The following MATN4 variants were observed in gnomAD, a reference collection of about 807,000 sequenced individuals.
MATN4 encodes the protein matrilin 4.
A neutral mutation model predicts 54.6 loss-of-function variants in MATN4; 40 were observed. The ratio of observed to expected loss-of-function variants is 0.73; its 90% CI spans 0.57 to 0.95. The LOEUF is 0.95. MATN4 is among the 40% of genes least tolerant of loss of function. The probability of loss-of-function intolerance (pLI) is 0.00; values close to 1 mark genes in which losing one functional copy is unlikely to be tolerated. For missense variants in MATN4, 810 were observed against 819.1 expected (o/e 0.99, Z 0.13); for synonymous variants, 351 against 345.3 (o/e 1.02, Z -0.18).
At position 45,304,679 on chromosome 20, in the gene MATN4, C is replaced by CA; in HGVS notation, c.191dup (p.Asn65GlufsTer103). On this transcript the variant is annotated frameshift_variant, in exon 3 of 10. Coordinates refer to ENST00000372756, the MANE Select transcript of MATN4 (RefSeq NM_001393530.1). LOFTEE classifies it high-confidence loss of function. ...CGCGCGTGGCGTTGGGACCCACGTT[C>CA]AGGCCTCGGAGGAGGCCCATGAGGA... 2 of 1,612,842 alleles carry CA rather than the reference C, an allele frequency of 1.2e-6. No homozygotes were observed. Among genetic ancestry groups the CA allele is most frequent in the Non-Finnish European group, 1.7e-6 (2 of 1,179,336 alleles).
intron 1 of MATN4, chr20:45,307,024 T>G: frequency 1.4e-6 from 1 of 732,230 alleles, no homozygotes; most frequent in Admixed American, 9.7e-5. Context: ...CTCCCCACTA[T>G]ACAAATAGGA....
At chr20:45,297,853 G>A in intron 8 of MATN4, 65 bp downstream of exon 8, 3 of 1,585,154 alleles carry the variant, frequency 1.9e-6, no homozygotes, top group South Asian at 2.2e-5. Flanking sequence ...GGAGTGAATA[G>A]GAAGGGGAGA....
At position 45,304,606 on chromosome 20, in the gene MATN4, G is replaced by A. The variant is rs2233092; in HGVS notation, c.265C>T (p.Arg89Cys). The A allele has an allele frequency of 5.0e-6, 8 of 1,600,712 alleles. No homozygotes were observed. The East Asian group carries it at 9.0e-5, about 18-fold the overall frequency. ...ATGTCCTCGCGGCGAGAGAACGCGC[G>A]GAGAGGGAAGACGCTCTGCACTTGA... ...SSQVQSVFPL[R>C]AFSRREDMER... The change falls in exon 3 of 10, where the codon CGC becomes TGC. Residue 89 changes from arginine (R) to cysteine (C), a missense_variant. Coordinates refer to ENST00000372756, the MANE Select transcript of MATN4 (RefSeq NM_001393530.1).
chr20:45,306,982 G>C (rs934366159), intron 1 of MATN4: 3 of 1,232,924 alleles, frequency 2.4e-6, no homozygotes, highest in East Asian at 6.3e-5. Context: ...GAGACGCCCC[G>C]TGAGAACTAC....
At chr20:45,302,260 C>T (rs1568876951) in intron 3 of MATN4, among the ~76,000 whole-genome samples, 1 of 152,114 alleles carries the variant, frequency 6.6e-6, no homozygotes, top group African/African-American at 2.4e-5. Flanking sequence ...GAATGTTAAA[C>T]AGTCATCAAA....
At chr20:45,295,988 G>C (rs998810180) in intron 8 of MATN4, among the ~76,000 whole-genome samples, 7 of 151,902 alleles carry the variant, frequency 4.6e-5, no homozygotes, top group Non-Finnish European at 1.0e-4. Context: ...GGCTGAGGCG[G>C]GTGGATCACG....
rs201834747 is a variant in MATN4, at chr20:45,304,548, G to C, written c.323C>G (p.Ala108Gly). The change falls in exon 3 of 10, where the codon GCG (alanine) becomes GGG (glycine). Residue 108 changes from alanine (A) to glycine (G), a missense_variant. Physicochemically the swap from Ala to Gly is moderately conservative, Grantham distance 60 (BLOSUM62 0). Transcript: ENST00000372756. ...ERAIRDLVPL[A>G]QGTMTGLAIQ... ...TGCCAGTCCCGTCATGGTGCCTTGC[G>C]CCAGAGGCACCAGGTCGCGGATGGC... 1 of 1,596,696 alleles carries C rather than the reference G, an allele frequency of 6.3e-7. No individual in the cohort carries two copies. Among genetic ancestry groups the C allele is most frequent in the Admixed American group, 1.7e-5 (1 of 59,630 alleles).
intron 6 of MATN4, 85 bp downstream of exon 6, chr20:45,300,802 G>A (rs1986172847): frequency 1.3e-6 from 2 of 1,540,048 alleles, no homozygotes; most frequent in African/African-American, 1.4e-5. Flanking sequence ...CAGCCTAGGG[G>A]CCACAGCAAT....
chr20:45,307,940 C>T (rs1009354338), intron 1 of MATN4, among the ~76,000 whole-genome samples: 1 of 152,044 alleles, frequency 6.6e-6, no homozygotes, highest in Non-Finnish European at 1.5e-5. Context: ...TCAAAAGTCC[C>T]TTAGGGACAT....
intron 1 of MATN4, among the ~76,000 whole-genome samples, chr20:45,306,269 C>A (rs1986660791): frequency 1.3e-5 from 2 of 152,168 alleles, no homozygotes; most frequent in Non-Finnish European, 2.9e-5. Context: ...GTGATTGTCC[C>A]CCATCATACA....
intron 6 of MATN4, 97 bp downstream of exon 6, chr20:45,300,790 C>T: frequency 1.3e-6 from 2 of 1,491,818 alleles, no homozygotes; most frequent in South Asian, 2.5e-5. Context: ...ACATTCACAC[C>T]ACAGCCTAGG....
At chr20:45,294,399 G>C (rs1748058561) in intron 8 of MATN4, among the ~76,000 whole-genome samples, 1 of 152,152 alleles carries the variant, frequency 6.6e-6, no homozygotes, top group Non-Finnish European at 1.5e-5. Flanking sequence ...AGCTCAGAAG[G>C]TACATTTCTA....
At chr20:45,303,503 G>C in intron 3 of MATN4, 1 of 712,866 alleles carries the variant, frequency 1.4e-6, no homozygotes. Flanking sequence ...TCAGCACACT[G>C]GTCCTTCCCT....
Position 45,293,552 on chromosome 20 carries a change from T to G in MATN4, c.*215A>C, listed in dbSNP as rs1260718494. ...GGCGTGCCGGTCTAGCACGTGCCCC[T>G]TCCCTCACCACCCGCTATCCCCCTG... On this transcript the variant is annotated 3_prime_UTR_variant, in exon 10 of 10. Coordinates refer to ENST00000372756, the MANE Select transcript of MATN4 (RefSeq NM_001393530.1). 5.7e-6 allele frequency: 3 copies of G among 530,766 alleles called. No homozygotes were observed. The African/African-American group carries it at 6.1e-5, about 11-fold the overall frequency. 32.9% of individuals were successfully genotyped at this position (530,766 alleles called of 1,614,324 possible).
In MATN4 at chr20:45,301,313, T is replaced by C. The variant is rs1431639288; in HGVS notation, c.766+8A>G. 1 of 1,614,018 alleles carries C rather than the reference T, an allele frequency of 6.2e-7. No individual in the cohort carries two copies. Among genetic ancestry groups the C allele is most frequent in the East Asian group, 2.2e-5 (1 of 44,882 alleles). ...AGGGTGTGGTGGGAGGGTGGGGGTG[T>C]TGCTCACCCCTGCAGCTCCTCTGGT... On this transcript the variant is annotated splice_region_variant and intron_variant, in intron 4 of 9. Transcript: ENST00000372756.
rs758551523 is a variant in MATN4, at chr20:45,301,328, GC to G, written c.758del (p.Ser253ThrfsTer61). 1 of 1,614,170 alleles carries G rather than the reference GC, an allele frequency of 6.2e-7. No individual in the cohort carries two copies. The highest frequency in any genetic ancestry group is 1.1e-5 in the South Asian group (1 of 91,086). ...VGFVLQQDQR[S>X]CRAIDYCSFG... ...GGTGGGGGTGTTGCTCACCCCTGCAGCTCCTCTGGTCCTGCTGGAGTACAAA... is the reference window on the plus strand; with the variant it reads ...GGTGGGGGTGTTGCTCACCCCTGCAGTCCTCTGGTCCTGCTGGAGTACAAA... On this transcript the variant is annotated frameshift_variant, in exon 4 of 10. Coordinates refer to ENST00000372756, the MANE Select transcript of MATN4 (RefSeq NM_001393530.1). LOFTEE classifies it high-confidence loss of function.
In MATN4 at chr20:45,298,301, A is replaced by C. The variant is rs1985992283; in HGVS notation, c.1295T>G (p.Val432Gly). Residue 432 changes from valine (V) to glycine (G), a missense_variant, in exon 7 of 10, where the codon GTG becomes GGG. Transcript: ENST00000372756. This position sits in a 1 kb window ranked among gnomAD's most constrained non-coding sequence, Gnocchi z 4.6. The stretch of plus-strand genomic sequence containing the variant: ...CTGCGCCTCGGAGAAGCTGTGCTCC[A>C]CCATGTGCCGCAACGCCAGCCCTGT... ...TMTGLALRHM[V>G]EHSFSEAQGA... 2 of 1,613,400 alleles carry C rather than the reference A, an allele frequency of 1.2e-6. No individual in the cohort carries two copies. The highest frequency in any genetic ancestry group is 1.7e-6 in the Non-Finnish European group (2 of 1,179,902).
chr20:45,301,112 C>T lies in MATN4; in HGVS notation c.879G>A (p.Arg293=). 6.2e-7 allele frequency: 1 copy of T among 1,614,198 alleles called. No individual in the cohort carries two copies. Among genetic ancestry groups the T allele is most frequent in the Non-Finnish European group, 8.5e-7 (1 of 1,180,034 alleles). ...GAGAGCCCTCCTCACCCTGACAGCT[C>T]CTCCCATCAGGCTGCAAGTCATGGC... ...REGHDLQPDG[R]SCQVRDLCNG... Residue 293 remains arginine, a synonymous_variant, in exon 5 of 10, where the codon AGG becomes AGA. Coordinates refer to ENST00000372756, the MANE Select transcript of MATN4 (RefSeq NM_001393530.1).
In MATN4 at chr20:45,304,799, T is replaced by C; in HGVS notation, c.74-2A>G. On this transcript the variant is annotated splice_acceptor_variant, in intron 2 of 9. Transcript: ENST00000372756. LOFTEE classifies it high-confidence loss of function. ...GGGGCCCAGTGTGACACCTGGGACC[T>C]GCGGGGAGATCAGGGAGGACTCTCC... is the stretch of plus-strand genomic sequence containing the variant. 1 of 1,563,082 alleles carries C rather than the reference T, an allele frequency of 6.4e-7. No individual in the cohort carries two copies. Among genetic ancestry groups the C allele is most frequent in the East Asian group, 2.3e-5 (1 of 43,954 alleles).
Sources: gnomAD v4.1 joint callset for allele counts (sites outside exome capture counted in the v4.1 genomes callset) on GRCh38, gnomAD v4.1.1 for gene constraint, Gnocchi (gnomAD v3.1) non-coding constraint, MANE v1.5 for transcripts, NCBI Gene and HGNC (gene_info 2026-07-23, HGNC 2026-07-21) for gene names.